The following ZBTB17 variants were observed in gnomAD, a reference collection of about 807,000 sequenced individuals.
ZBTB17 encodes zinc finger and BTB domain containing 17.
ZBTB17 carries 24 observed loss-of-function variants against 85.1 expected under a neutral mutation model. The ratio of observed to expected loss-of-function variants is 0.28; its 90% confidence interval spans 0.20 to 0.40. The LOEUF (loss-of-function observed/expected upper bound fraction) is 0.40, where lower values mean the gene tolerates loss of function less well. Ranked by LOEUF, ZBTB17 falls within the 10% of genes least tolerant of loss-of-function variation. The probability of loss-of-function intolerance (pLI) is 1.00; values close to 1 mark genes in which losing one functional copy is unlikely to be tolerated. For synonymous variants in ZBTB17, 464 were observed against 460.2 expected (o/e 1.01, Z -0.11); for missense variants, 743 against 1,105.1 (o/e 0.67, Z 4.65).
rs186431733 is a variant in ZBTB17, at chr1:15,963,276, A to G, written c.-3+9763T>C. Among the ~76,000 whole-genome samples the G allele has an allele frequency of 1.7e-3, 255 of 152,370 alleles. 1 individual carries two copies. The highest frequency in any genetic ancestry group is 6.8e-3 in the Middle Eastern group (2 of 294). On this transcript the variant is annotated intron_variant, in intron 2 of 15. Coordinates refer to ENST00000375743, the MANE Select transcript of ZBTB17 (RefSeq NM_003443.3). ...ATTCTCCCACCGCAAACAGCCACAA[A>G]TGCTGACTAAAAATGATAAGACATC...
chr1:15,948,889 G>C (rs770924211), intron 2 of ZBTB17, among the ~76,000 whole-genome samples: 1 of 152,202 alleles, frequency 6.6e-6, no homozygotes, highest in Non-Finnish European at 1.5e-5. Flanking sequence ...CAAAAAGAAT[G>C]CATGACAATC....
In ZBTB17 at chr1:15,964,078, C is replaced by T. The variant is rs1453990235; in HGVS notation, c.-3+8961G>A. On this transcript the variant is annotated intron_variant, in intron 2 of 15. Transcript: ENST00000375743. The surrounding 1 kb of genome is among the most constrained non-coding windows in gnomAD (Gnocchi z 4.3). ...CAGGCTGCAGTAAGCTGCGATTGTG[C>T]CACGGCACTCCAGCCTGGACAACAG... is the stretch of plus-strand genomic sequence containing the variant. 6.6e-6 allele frequency among the ~76,000 whole-genome samples: 1 copy of T among 151,076 alleles called. No individual in the cohort carries two copies. The highest frequency in any genetic ancestry group is 1.9e-4 in the East Asian group (1 of 5,172).
chr1:15,954,801 G>A (rs1158243019), intron 2 of ZBTB17, among the ~76,000 whole-genome samples: 1 of 152,076 alleles, frequency 6.6e-6, no homozygotes. Context: ...AGTTAGCTGT[G>A]ATTGTGCCAC....
intron 2 of ZBTB17, among the ~76,000 whole-genome samples, chr1:15,972,045 G>C (rs138384865): frequency 6.6e-6 from 1 of 152,054 alleles, no homozygotes; most frequent in Admixed American, 6.5e-5. Flanking sequence ...CAAAATGCGC[G>C]GTTTGCAACA....
chr1:15,943,340 C>T (rs544291484), intron 12 of ZBTB17, 59 bp downstream of exon 12: 1 of 1,581,110 alleles, frequency 6.3e-7, no homozygotes, highest in African/African-American at 1.3e-5. Flanking sequence ...CCCAGTTTGT[C>T]TTCTGAGCCC....
chr1:15,971,392 T>TACAC (rs746652942), intron 2 of ZBTB17, among the ~76,000 whole-genome samples: 2 of 147,536 alleles, frequency 1.4e-5, no homozygotes, highest in South Asian at 2.1e-4. Context: ...TATATATATA[T>TACAC]ACACACTATA....
At position 15,944,618 on chromosome 1, in the gene ZBTB17, G is replaced by A. The variant is rs1423415474; in HGVS notation, c.1071-18C>T. 2 of 1,599,782 alleles carry A rather than the reference G, an allele frequency of 1.3e-6. No homozygotes were observed. Among genetic ancestry groups the A allele is most frequent in the African/African-American group, 1.3e-5 (1 of 74,932 alleles). ...TCAGAGGGCTGCAGGGCCAGAAGGC[G>A]ACAGGAGGCAGGGCTCGCTGGGGCG... is the stretch of plus-strand genomic sequence containing the variant. On this transcript the variant is annotated intron_variant, in intron 8 of 15. Transcript: ENST00000375743.
intron 2 of ZBTB17, among the ~76,000 whole-genome samples, chr1:15,969,006 G>A (rs1026662474): frequency 8.5e-5 from 13 of 152,220 alleles, no homozygotes; most frequent in African/African-American, 1.2e-4. Flanking sequence ...AGTGGCGGGC[G>A]AGTGAGCACG....
chr1:15,966,139 C>T lies in ZBTB17; in HGVS notation c.-3+6900G>A, dbSNP rs2072431558. Among the ~76,000 whole-genome samples the T allele has an allele frequency of 6.6e-6, 1 of 152,184 alleles. No individual in the cohort carries two copies. The highest frequency in any genetic ancestry group is 2.4e-5 in the African/African-American group (1 of 41,440). On this transcript the variant is annotated intron_variant, in intron 2 of 15. Transcript: ENST00000375743. The surrounding 1 kb of genome is among the most constrained non-coding windows in gnomAD (Gnocchi z 4.1). ...CATTAATTTGGGCTGCTGACTGAGT[C>T]ACAGTAACGGGGGAAAATCCCTGAG...
At chr1:15,949,874 G>A (rs887565799) in intron 2 of ZBTB17, among the ~76,000 whole-genome samples, 11 of 152,314 alleles carry the variant, frequency 7.2e-5, no homozygotes, top group Middle Eastern at 3.4e-3. Flanking sequence ...TCTGCTGAGC[G>A]GGGGGAAGTG....
rs548689770 is a variant in ZBTB17 at position 15,962,148 on chromosome 1, A to G, written c.-3+10891T>C. Among the ~76,000 whole-genome samples, 245 of 152,330 alleles carry G rather than the reference A, an allele frequency of 1.6e-3. 1 individual carries two copies. The highest frequency in any genetic ancestry group is 5.8e-3 in the African/African-American group (241 of 41,566). On this transcript the variant is annotated intron_variant, in intron 2 of 15. Transcript: ENST00000375743. Reference sequence around the variant, plus strand: ...CTTGAGCCTGGGAGGTTGAGGCTGCAGTGAGCTGAGATTGTGGCACTGCTG... The same window carrying G: ...CTTGAGCCTGGGAGGTTGAGGCTGCGGTGAGCTGAGATTGTGGCACTGCTG...
At chr1:15,969,504 C>T (rs1045144158) in intron 2 of ZBTB17, 20 of 273,706 alleles carry the variant, frequency 7.3e-5, no homozygotes, top group Admixed American at 2.4e-4. Context: ...CCTAGGTGCA[C>T]GGGGGCCGAG....
intron 2 of ZBTB17, among the ~76,000 whole-genome samples, chr1:15,963,239 G>A (rs555729002): frequency 1.3e-5 from 2 of 152,262 alleles, no homozygotes; most frequent in South Asian, 4.2e-4. Flanking sequence ...TCTGGCAAAG[G>A]TGCCCTGGCC....
chr1:15,958,378 C>T (rs1025699314), intron 2 of ZBTB17, among the ~76,000 whole-genome samples: 11 of 140,648 alleles, frequency 7.8e-5, no homozygotes, highest in African/African-American at 2.4e-4. Context: ...AGGCGGCTGA[C>T]GGAAGCTAAC....
At chr1:15,968,040 A>AT (rs2072506982) in intron 2 of ZBTB17, among the ~76,000 whole-genome samples, 2 of 141,876 alleles carry the variant, frequency 1.4e-5, no homozygotes, top group Non-Finnish European at 3.3e-5. Context: ...ATCTATGGGG[A>AT]GAGGCCAGAG....
chr1:15,963,108 T>C (rs1197302552), intron 2 of ZBTB17, among the ~76,000 whole-genome samples: 1 of 152,074 alleles, frequency 6.6e-6, no homozygotes, highest in African/African-American at 2.4e-5. Context: ...AAAGAATATA[T>C]AAATTAATTA....
chr1:15,950,746 C>T (rs950754797), intron 2 of ZBTB17, among the ~76,000 whole-genome samples: 1 of 152,184 alleles, frequency 6.6e-6, no homozygotes, highest in African/African-American at 2.4e-5. Context: ...TACAAAGAAC[C>T]CTCTAGCAGG....
Position 15,962,557 on chromosome 1 carries a change from G to A in ZBTB17, c.-3+10482C>T, listed in dbSNP as rs750395874. Among the ~76,000 whole-genome samples the A allele has an allele frequency of 3.6e-4, 54 of 152,100 alleles. 1 individual carries two copies. Among genetic ancestry groups the A allele is most frequent in the Non-Finnish European group, 1.8e-4 (12 of 68,024 alleles). On this transcript the variant is annotated intron_variant, in intron 2 of 15. Coordinates refer to ENST00000375743, the MANE Select transcript of ZBTB17 (RefSeq NM_003443.3). ...TGAGCAAATCACAGTTTAAGAAGTTGTTGCTGACCTAGGTTGCACAGCCCT... is the reference window on the plus strand; with the variant it reads ...TGAGCAAATCACAGTTTAAGAAGTTATTGCTGACCTAGGTTGCACAGCCCT...
At chr1:15,965,866 A>T (rs2072424021) in intron 2 of ZBTB17, among the ~76,000 whole-genome samples, 1 of 152,228 alleles carries the variant, frequency 6.6e-6, no homozygotes, top group Admixed American at 6.5e-5. Flanking sequence ...TAAAACTATA[A>T]AGAAAAGCAA....
Sources: allele counts gnomAD v4.1 joint callset (sites outside exome capture counted in the v4.1 genomes callset), GRCh38; gene constraint gnomAD v4.1.1; non-coding constraint Gnocchi (gnomAD v3.1); transcripts MANE v1.5; gene names NCBI Gene and HGNC (gene_info 2026-07-23, HGNC 2026-07-21).